Variants in RBFOX1 observed in about 807,000 individuals in gnomAD.
RBFOX1 encodes RNA binding fox-1 homolog 1, also known as RNA binding protein fox-1 homolog 1.
A neutral mutation model predicts 57.7 loss-of-function variants in RBFOX1; 8 were observed. The observed-to-expected ratio is 0.14, with a 90% CI of 0.08 to 0.25. The LOEUF (loss-of-function observed/expected upper bound fraction) is 0.25. RBFOX1 is among the 10% of genes least tolerant of loss of function. RBFOX1 has a pLI of 1.00. For missense variants in RBFOX1, 611 were observed against 548.5 expected (o/e 1.11, Z -1.14); for synonymous variants, 326 against 222.4 (o/e 1.47, Z -4.15).
At chr16:7,081,198 C>G (rs2059142230) in intron 4 of RBFOX1, among the ~76,000 whole-genome samples, 1 of 152,212 alleles carries the variant, frequency 6.6e-6, no homozygotes, top group Admixed American at 6.5e-5. Flanking sequence ...CCACACCCAG[C>G]TAATGTTTGT....
At chr16:7,257,136 C>G (rs1047567881) in intron 4 of RBFOX1, among the ~76,000 whole-genome samples, 1 of 152,148 alleles carries the variant, frequency 6.6e-6, no homozygotes, top group African/African-American at 2.4e-5. Context: ...AACGAAATTG[C>G]CTTCGGAAAA....
intron 3 of RBFOX1, among the ~76,000 whole-genome samples, chr16:6,682,629 A>T (rs185066886): frequency 1.3e-5 from 2 of 152,104 alleles, no homozygotes; most frequent in East Asian, 3.9e-4. Flanking sequence ...AGATGTCGAG[A>T]GAGCTTTTCC....
intron 3 of RBFOX1, among the ~76,000 whole-genome samples, chr16:7,029,180 G>A (rs1343540494): frequency 4.2e-5 from 3 of 72,082 alleles, no homozygotes. Context: ...ATACGTATAC[G>A]TGTATATATA....
intron 2 of RBFOX1, among the ~76,000 whole-genome samples, chr16:6,506,180 C>T (rs1295893162): frequency 6.6e-6 from 1 of 152,092 alleles, no homozygotes; most frequent in African/African-American, 2.4e-5. Flanking sequence ...TTCTGGACAA[C>T]AGGAGTGGGC....
chr16:6,424,402 G>C (rs1186479513), intron 2 of RBFOX1, among the ~76,000 whole-genome samples: 1 of 152,126 alleles, frequency 6.6e-6, no homozygotes, highest in Non-Finnish European at 1.5e-5. Context: ...TATTGCAGTG[G>C]TTATCAATAG....
chr16:6,607,982 T>G (rs2097968922), intron 2 of RBFOX1, among the ~76,000 whole-genome samples: 1 of 152,178 alleles, frequency 6.6e-6, no homozygotes. Context: ...ACTCTGACCC[T>G]TTACTGGGAA....
At chr16:6,502,621 A>G (rs895292974) in intron 2 of RBFOX1, among the ~76,000 whole-genome samples, 1 of 152,150 alleles carries the variant, frequency 6.6e-6, no homozygotes, top group Admixed American at 6.6e-5. Flanking sequence ...GGTGCCATCC[A>G]TGGTGGATAA....
Position 5,335,540 on chromosome 16 carries a change from T to C in RBFOX1, c.219+95435T>C, listed in dbSNP as rs747136825. On this transcript the variant is annotated intron_variant, in intron 1 of 2. Coordinates refer to the RBFOX1 transcript ENST00000585867. ...GTCGGTTTTTTGTGTTCAGAGTTTT[T>C]CCCGTCACTGGGGGATTAGGGGACT... is the stretch of plus-strand genomic sequence containing the variant. 1.6e-3 allele frequency among the ~76,000 whole-genome samples: 251 copies of C among 152,298 alleles called. 3 individuals carry two copies. Among genetic ancestry groups the C allele is most frequent in the Non-Finnish European group, 3.1e-3 (214 of 68,022 alleles).
intron 4 of RBFOX1, among the ~76,000 whole-genome samples, chr16:7,504,945 C>G (rs1010259105): frequency 1.3e-5 from 2 of 148,624 alleles, no homozygotes; most frequent in African/African-American, 5.1e-5. Flanking sequence ...CAGGTGAAGC[C>G]CTACGCAGCA....
At position 5,625,864 on chromosome 16, in the gene RBFOX1, T is replaced by A. The variant is rs188345201; in HGVS notation, c.318+26903T>A. 4.8e-3 allele frequency among the ~76,000 whole-genome samples: 720 copies of A among 150,256 alleles called. 3 individuals carry two copies. The highest frequency in any genetic ancestry group is 0.011 in the Middle Eastern group (3 of 282). On this transcript the variant is annotated intron_variant, in intron 3 of 19. Transcript: ENST00000641259. ...TGAGCCACCGTGTCCAGCCCTGGAT[T>A]TACTCTTTAATATCTTATTTTATTT...
At chr16:6,632,111 CT>C (rs1472069846) in intron 2 of RBFOX1, among the ~76,000 whole-genome samples, 3 of 152,070 alleles carry the variant, frequency 2.0e-5, no homozygotes, top group Non-Finnish European at 4.4e-5. Context: ...GAGTCTGTCC[CT>C]TGTTAATTGT....
chr16:5,573,246 G>A (rs1026334642), intron 2 of RBFOX1, among the ~76,000 whole-genome samples: 13 of 152,138 alleles, frequency 8.5e-5, no homozygotes, highest in East Asian at 3.9e-4. Context: ...GAGTGTCCAC[G>A]TTTCATTGGC....
chr16:7,327,745 C>A (rs144082971), intron 4 of RBFOX1, among the ~76,000 whole-genome samples: 3 of 152,088 alleles, frequency 2.0e-5, no homozygotes, highest in Non-Finnish European at 4.4e-5. Flanking sequence ...ATGCCTAGAT[C>A]TTCCAGTGTT....
chr16:5,602,077 G>A (rs2047384059), downstream of RBFOX1, among the ~76,000 whole-genome samples: 1 of 152,194 alleles, frequency 6.6e-6, no homozygotes, highest in African/African-American at 2.4e-5. Context: ...TCCACCCTCT[G>A]ACTGTAGCAG....
intron 14 of RBFOX1, among the ~76,000 whole-genome samples, chr16:7,704,023 C>G (rs558786636): frequency 4.2e-4 from 64 of 152,298 alleles, no homozygotes; most frequent in South Asian, 8.3e-4. Flanking sequence ...ATTTACCTGG[C>G]TTTCTTGAAT....
intron 1 of RBFOX1, among the ~76,000 whole-genome samples, chr16:5,379,102 C>G (rs987643734): frequency 6.6e-6 from 1 of 151,480 alleles, no homozygotes; most frequent in African/African-American, 2.5e-5. Flanking sequence ...TTTGCATCAA[C>G]CTAATGCATC....
At chr16:7,693,479 G>GAAA in intron 14 of RBFOX1, 3 of 502,582 alleles carry the variant, frequency 6.0e-6, no homozygotes, top group East Asian at 4.1e-5. Context: ...GTTTAGTTAA[G>GAAA]AAAAAAAAAA....
chr16:7,412,381 C>G (rs988619054), intron 4 of RBFOX1, among the ~76,000 whole-genome samples: 13 of 148,274 alleles, frequency 8.8e-5, no homozygotes, highest in African/African-American at 2.8e-4. Context: ...CACCAGTGCA[C>G]TCCAGGCTGG....
rs138112728 is a variant in RBFOX1 at position 6,820,514 on chromosome 16, C to T, written c.-16+165864C>T. Among the ~76,000 whole-genome samples the T allele has an allele frequency of 5.3e-3, 814 of 152,162 alleles. 8 individuals are homozygous for T. Among genetic ancestry groups the T allele is most frequent in the South Asian group, 0.04 (195 of 4,818 alleles). On this transcript the variant is annotated intron_variant, in intron 3 of 15. Transcript: ENST00000550418. ...TACAGAAAAAGTTTTTAAAAAGTAA[C>T]TGGGTATGGTGGCGTGCACCTATAG...
Sources: allele counts gnomAD v4.1 joint callset (sites outside exome capture counted in the v4.1 genomes callset), GRCh38; gene constraint gnomAD v4.1.1; transcripts MANE v1.5; gene names NCBI Gene and HGNC (gene_info 2026-07-23, HGNC 2026-07-21).